The following TP63 variants were observed in gnomAD, a reference collection of about 807,000 sequenced individuals.
TP63 encodes tumor protein p63, also known as tumor protein 63.
A neutral mutation model predicts 82.8 loss-of-function variants in TP63; 17 were observed. The ratio of observed to expected loss-of-function variants is 0.21; its 90% confidence interval spans 0.14 to 0.31. The LOEUF is 0.31. Ranked by LOEUF, TP63 falls within the 10% of genes least tolerant of loss-of-function variation. TP63 has a pLI of 1.00. For synonymous variants in TP63, 330 were observed against 321.7 expected, an observed-to-expected ratio of 1.03 and a Z score of -0.28; for missense variants, 648 against 895.3, an observed-to-expected ratio of 0.72 and a Z score of 3.52.
chr3:189,601,613 G>A, the TP63 span, among the ~76,000 whole-genome samples: 12 of 152,258 alleles, frequency 7.9e-5, no homozygotes, highest in East Asian at 1.7e-3. Flanking sequence ...AGTGATACTT[G>A]TTTGGTTAAA....
At chr3:189,651,577 A>G (rs1712893431) in intron 1 of TP63, among the ~76,000 whole-genome samples, 1 of 145,392 alleles carries the variant, frequency 6.9e-6, no homozygotes, top group Non-Finnish European at 1.5e-5. Flanking sequence ...GCAAAGAAAA[A>G]CCCATTTTGG....
intron 1 of TP63, among the ~76,000 whole-genome samples, chr3:189,715,376 A>C (rs1473274147): frequency 6.6e-6 from 1 of 152,190 alleles, no homozygotes; most frequent in Non-Finnish European, 1.5e-5. Context: ...TTTAATCTAA[A>C]ACAGGAAGCA....
At chr3:189,794,020 C>T (rs1450787978) in intron 3 of TP63, among the ~76,000 whole-genome samples, 1 of 151,948 alleles carries the variant, frequency 6.6e-6, no homozygotes, top group Non-Finnish European at 1.5e-5. Context: ...AATCTTATTC[C>T]TAATCTTAAG....
At chr3:189,654,270 C>T (rs1338550223) in intron 1 of TP63, among the ~76,000 whole-genome samples, 2 of 150,542 alleles carry the variant, frequency 1.3e-5, no homozygotes, top group East Asian at 3.9e-4. Context: ...AAATTGCAAT[C>T]ATTACAAATA....
intron 1 of TP63, among the ~76,000 whole-genome samples, chr3:189,682,824 C>T (rs1001578116): frequency 1.3e-5 from 2 of 151,844 alleles, no homozygotes; most frequent in Admixed American, 6.6e-5. Context: ...CATAATTTTA[C>T]TTCCTAAAAT....
chr3:189,602,358 T>C, the TP63 span, among the ~76,000 whole-genome samples: 1 of 152,094 alleles, frequency 6.6e-6, no homozygotes, highest in Non-Finnish European at 1.5e-5. Flanking sequence ...GATGGAACAG[T>C]GTCAGAAAGC....
At chr3:189,686,280 T>A (rs1716431020) in intron 1 of TP63, among the ~76,000 whole-genome samples, 1 of 152,208 alleles carries the variant, frequency 6.6e-6, no homozygotes, top group Non-Finnish European at 1.5e-5. Context: ...TATTTTAGAT[T>A]CTGTCTTTGC....
intron 4 of TP63, among the ~76,000 whole-genome samples, chr3:189,860,763 C>T (rs961571855): frequency 1.3e-5 from 2 of 152,116 alleles, no homozygotes; most frequent in African/African-American, 4.8e-5. Flanking sequence ...CCTGGCATGA[C>T]GTGGAGAGCA....
At chr3:189,750,108 G>T (rs943114157) in intron 3 of TP63, among the ~76,000 whole-genome samples, 1 of 148,978 alleles carries the variant, frequency 6.7e-6, no homozygotes, top group African/African-American at 2.5e-5. Context: ...TGGGTGACAG[G>T]GTGAGACTCT....
chr3:189,749,159 A>T (rs1344430171), intron 3 of TP63, among the ~76,000 whole-genome samples: 1 of 152,168 alleles, frequency 6.6e-6, no homozygotes, highest in Non-Finnish European at 1.5e-5. Flanking sequence ...GACAAAAAAA[A>T]ATAGACAAAT....
intron 11 of TP63, 79 bp from the exon 12 acceptor site, chr3:189,889,261 A>G: frequency 1.9e-6 from 3 of 1,606,564 alleles, no homozygotes; most frequent in South Asian, 2.2e-5. Flanking sequence ...GATAAAATTT[A>G]ACCAGACAAG....
At chr3:189,741,848 T>C (rs1411551165) in intron 3 of TP63, among the ~76,000 whole-genome samples, 2 of 152,168 alleles carry the variant, frequency 1.3e-5, no homozygotes, top group Non-Finnish European at 2.9e-5. Context: ...AAAAATGAAC[T>C]CCATTGGGTT....
rs1004614519 is a variant in TP63, at chr3:189,759,034, A to G, written c.324+20260A>G. Among the ~76,000 whole-genome samples, 10 of 152,220 alleles carry G rather than the reference A, an allele frequency of 6.6e-5. 1 individual carries two copies. The highest frequency in any genetic ancestry group is 2.4e-4 in the African/African-American group (10 of 41,450). On this transcript the variant is annotated intron_variant, in intron 3 of 13. Coordinates refer to ENST00000264731, the MANE Select transcript of TP63 (RefSeq NM_003722.5). ...AATGAAATATTCCCTTTGCCAGTCT[A>G]ATGATTAAGAGCGTGGGCTTTGCAG...
intron 1 of TP63, among the ~76,000 whole-genome samples, chr3:189,667,543 A>G (rs372088442): frequency 2.9e-4 from 44 of 152,184 alleles, no homozygotes; most frequent in East Asian, 2.3e-3. Context: ...TAGGAACCCC[A>G]GAGTTTGTGT....
intron 1 of TP63, among the ~76,000 whole-genome samples, chr3:189,735,443 A>T (rs1720511243): frequency 6.6e-6 from 1 of 152,214 alleles, no homozygotes; most frequent in Non-Finnish European, 1.5e-5. Context: ...TCTTTCTTCA[A>T]GCCAGATCCT....
At chr3:189,809,374 A>G (rs1213544323) in intron 4 of TP63, among the ~76,000 whole-genome samples, 4 of 152,198 alleles carry the variant, frequency 2.6e-5, no homozygotes, top group Non-Finnish European at 5.9e-5. Flanking sequence ...ACTAGATCCA[A>G]GAATATTTTA....
the TP63 span, among the ~76,000 whole-genome samples, chr3:189,624,491 A>C: frequency 6.6e-6 from 1 of 152,286 alleles, no homozygotes; most frequent in African/African-American, 2.4e-5. Flanking sequence ...TTGGGGTTGA[A>C]CAGAATCTTT....
chr3:189,823,265 G>C (rs1728982819), intron 4 of TP63, among the ~76,000 whole-genome samples: 1 of 152,180 alleles, frequency 6.6e-6, no homozygotes, highest in Non-Finnish European at 1.5e-5. Flanking sequence ...ATAGGGTGAA[G>C]CTAAAAGGTA....
chr3:189,642,068 C>G (rs1711934237), intron 1 of TP63, among the ~76,000 whole-genome samples: 1 of 152,126 alleles, frequency 6.6e-6, no homozygotes. Context: ...TGAGTGTATA[C>G]TTTTTCAAGT....
Sources: allele counts gnomAD v4.1 joint callset (sites outside exome capture counted in the v4.1 genomes callset), GRCh38; gene constraint gnomAD v4.1.1; transcripts MANE v1.5; gene names NCBI Gene and HGNC (gene_info 2026-07-23, HGNC 2026-07-21).